Variants in ZDHHC9 observed in about 807,000 individuals in gnomAD.
ZDHHC9 encodes the protein zDHHC palmitoyltransferase 9, also known as palmitoyltransferase ZDHHC9.
In ZDHHC9, 3 loss-of-function variants were observed where a neutral mutation model predicts 26.6. The ratio of observed to expected loss-of-function variants is 0.11; its 90% CI spans 0.05 to 0.29. ZDHHC9 has a LOEUF of 0.29. Ranked by LOEUF, ZDHHC9 falls within the 10% of genes least tolerant of loss-of-function variation. The probability of loss-of-function intolerance (pLI) is 1.00; values close to 1 mark genes in which losing one functional copy is unlikely to be tolerated. For synonymous variants in ZDHHC9, 111 were observed against 109.4 expected, an observed-to-expected ratio of 1.01 and a Z score of -0.09; for missense variants, 146 against 296.4, an observed-to-expected ratio of 0.49 and a Z score of 3.73.
chrX:129,808,739 T>G (rs1183023945), intron 10 of ZDHHC9, among the ~76,000 whole-genome samples: 1 of 111,851 alleles, frequency 8.9e-6, no homozygotes, highest in Non-Finnish European at 1.9e-5. Context: ...ATTTAAAAAT[T>G]TTGTGCTCCA....
At chrX:129,829,241 G>T in intron 3 of ZDHHC9, 100 bp from the exon 4 acceptor site, 1 of 940,233 alleles carries the variant, frequency 1.1e-6, no homozygotes, top group Non-Finnish European at 1.5e-6. Flanking sequence ...AGAATCAGCA[G>T]CACCTCAAGG....
intron 3 of ZDHHC9, among the ~76,000 whole-genome samples, chrX:129,835,446 CAAA>C (rs59940283): frequency 5.5e-5 from 3 of 54,201 alleles, no homozygotes; most frequent in Admixed American, 2.4e-4. Context: ...GACCCTATCT[CAAA>C]AAAAAAAAAA....
chrX:129,831,304 G>C (rs1168620064), intron 3 of ZDHHC9, among the ~76,000 whole-genome samples: 2 of 111,715 alleles, frequency 1.8e-5, no homozygotes, highest in African/African-American at 6.5e-5. Flanking sequence ...GATCATTCTT[G>C]AAAACAAAGA....
In ZDHHC9 at chrX:129,843,324, G is replaced by C. The variant is rs1928425297; in HGVS notation, c.-201C>G. 2 of 112,421 alleles carry C rather than the reference G, an allele frequency of 1.8e-5. No homozygotes were observed. Among genetic ancestry groups the C allele is most frequent in the South Asian group, 7.4e-4 (2 of 2,699 alleles). 9.3% of individuals were successfully genotyped at this position (112,421 alleles called of 1,213,427 possible). A position where few individuals can be genotyped will look rare whatever the true frequency, so the allele number is the denominator to read the frequency against. On this transcript the variant is annotated splice_region_variant and 5_prime_UTR_variant, in exon 2 of 11. Coordinates refer to ENST00000357166, the MANE Select transcript of ZDHHC9 (RefSeq NM_016032.4). ...GAAGGGAGACCAGGAAGGGGGAGCCGGCCTGGAAGAACAAAGATCAAAATC... is the reference window on the plus strand; with the variant it reads ...GAAGGGAGACCAGGAAGGGGGAGCCCGCCTGGAAGAACAAAGATCAAAATC...
At chrX:129,827,021 C>A (rs900728192) in intron 4 of ZDHHC9, among the ~76,000 whole-genome samples, 2 of 110,180 alleles carry the variant, frequency 1.8e-5, no homozygotes, top group Non-Finnish European at 3.8e-5. Flanking sequence ...TGGTGAAACA[C>A]CGTCTCTACT....
intron 3 of ZDHHC9, among the ~76,000 whole-genome samples, chrX:129,839,603 C>T (rs890261624): frequency 9.2e-6 from 1 of 108,467 alleles, no homozygotes; most frequent in African/African-American, 3.3e-5. Context: ...AAGAAAAAGG[C>T]CGACCAGAAG....
rs986755840 is a variant in ZDHHC9, at chrX:129,803,597, C to T, written c.*2773G>A. 5.4e-5 allele frequency: 6 copies of T among 112,021 alleles called. No homozygotes were observed. The highest frequency in any genetic ancestry group is 9.7e-5 in the African/African-American group (3 of 30,798). 9.2% of individuals were successfully genotyped at this position (112,021 alleles called of 1,213,427 possible). ...CAGGGAGAATGGAATTTAGCTGCTA[C>T]GGAATCAGAATCCACCTCTAACCCA... On this transcript the variant is annotated 3_prime_UTR_variant, in exon 11 of 11. Coordinates refer to ENST00000357166, the MANE Select transcript of ZDHHC9 (RefSeq NM_016032.4).
chrX:129,828,213 T>C (rs547203819), intron 4 of ZDHHC9, among the ~76,000 whole-genome samples: 2 of 112,163 alleles, frequency 1.8e-5, no homozygotes, highest in African/African-American at 6.5e-5. Context: ...TGTACATGCA[T>C]ATAAGAGCAT....
intron 4 of ZDHHC9, among the ~76,000 whole-genome samples, chrX:129,824,161 A>C (rs902366566): frequency 8.9e-5 from 10 of 112,573 alleles, no homozygotes; most frequent in Non-Finnish European, 1.9e-4. Flanking sequence ...ATTAAAGCAC[A>C]AAGATACCAT....
At chrX:129,841,247 C>A (rs1928374163) in intron 3 of ZDHHC9, among the ~76,000 whole-genome samples, 1 of 112,274 alleles carries the variant, frequency 8.9e-6, no homozygotes, top group Non-Finnish European at 1.9e-5. Flanking sequence ...GAGCAACTCA[C>A]TTCTAATAAG....
In ZDHHC9 at chrX:129,841,826, C is replaced by A; in HGVS notation, c.120G>T (p.Leu40=). 2.5e-6 allele frequency: 3 copies of A among 1,211,820 alleles called. No homozygotes were observed. Among genetic ancestry groups the A allele is most frequent in the Non-Finnish European group, 3.3e-6 (3 of 895,585 alleles). ...MMARQKGIFY[L]TLFLILGTCT... ...ATGTCCCCAGGATGAGGAAAAGGGT[C>A]AGGTAGAAAATGCCCTTTTGCCGGG... The change falls in exon 3 of 11, where the codon CTG becomes CTT. Residue 40 remains leucine, a synonymous_variant. Coordinates refer to ENST00000357166, the MANE Select transcript of ZDHHC9 (RefSeq NM_016032.4).
chrX:129,814,868 C>G, intron 5 of ZDHHC9, 73 bp from the exon 6 acceptor site: 1 of 1,106,693 alleles, frequency 9.0e-7, no homozygotes, highest in Non-Finnish European at 1.2e-6. Flanking sequence ...CCTATAATAC[C>G]TAATTCAAAG....
chrX:129,842,000 A>G lies in ZDHHC9; in HGVS notation c.-55T>C. 1 of 1,197,274 alleles carries G rather than the reference A, an allele frequency of 8.4e-7. No homozygotes were observed. The highest frequency in any genetic ancestry group is 1.1e-6 in the Non-Finnish European group (1 of 882,320). On this transcript the variant is annotated 5_prime_UTR_variant, in exon 3 of 11. Transcript: ENST00000357166. The stretch of plus-strand genomic sequence containing the variant: ...TGCGATTACACGAGAGAAGAAACAG[A>G]GGCTGAGCCCAGCTTTGAAATCACG...
At chrX:129,828,064 G>A (rs939687991) in intron 4 of ZDHHC9, among the ~76,000 whole-genome samples, 2 of 111,580 alleles carry the variant, frequency 1.8e-5, no homozygotes, top group Admixed American at 9.5e-5. Context: ...TGATCTGCCC[G>A]CCTCAGCCTC....
chrX:129,811,414 C>T lies in ZDHHC9; in HGVS notation c.873G>A (p.Leu291=), dbSNP rs1556004565. 1 of 1,209,041 alleles carries T rather than the reference C, an allele frequency of 8.3e-7. No individual in the cohort carries two copies. Among genetic ancestry groups the T allele is most frequent in the African/African-American group, 1.7e-5 (1 of 57,628 alleles). ...KNCCEVLCGP[L]PPSVLDRRGI... ...TTGAGTGCCCTGAGCACCTGGGGGG[C>T]AAGGGGCCACACAGCACTTCACAGC... The change falls in exon 9 of 11, where the codon TTG becomes TTA. Residue 291 remains leucine (L), a synonymous_variant. Transcript: ENST00000357166.
At chrX:129,817,868 T>C (rs1927793362) in intron 5 of ZDHHC9, among the ~76,000 whole-genome samples, 1 of 111,928 alleles carries the variant, frequency 8.9e-6, no homozygotes, top group Non-Finnish European at 1.9e-5. Flanking sequence ...ATTCATCTGT[T>C]GATAGACACT....
intron 5 of ZDHHC9, chrX:129,822,978 G>A (rs970411807): frequency 8.9e-5 from 10 of 112,157 alleles, no homozygotes; most frequent in African/African-American, 3.2e-4. Context: ...ACAGTAGGCA[G>A]TGATTACAAC....
At chrX:129,812,908 T>C (rs778552050) in intron 7 of ZDHHC9, 88 bp from the exon 8 acceptor site, 1 of 626,307 alleles carries the variant, frequency 1.6e-6, no homozygotes, top group Admixed American at 2.4e-5. Context: ...CAGACCATCT[T>C]TACCTCCTGG....
intron 3 of ZDHHC9, among the ~76,000 whole-genome samples, chrX:129,833,722 C>A (rs891108478): frequency 5.4e-5 from 6 of 111,673 alleles, no homozygotes; most frequent in Non-Finnish European, 1.1e-4. Context: ...AATAAGATGA[C>A]CGATAATCAA....
Sources: allele counts gnomAD v4.1 joint callset (sites outside exome capture counted in the v4.1 genomes callset), GRCh38; gene constraint gnomAD v4.1.1; transcripts MANE v1.5; gene names NCBI Gene and HGNC (gene_info 2026-07-23, HGNC 2026-07-21).